Variants in GPM6A observed in about 807,000 individuals in gnomAD.
The protein encoded by GPM6A is glycoprotein M6A, also known as neuronal membrane glycoprotein M6-a.
A neutral mutation model predicts 32.1 loss-of-function variants in GPM6A; 7 were observed. The ratio of observed to expected loss-of-function variants is 0.22; its 90% CI spans 0.12 to 0.41. The LOEUF (loss-of-function observed/expected upper bound fraction) is 0.41, where lower values mean the gene tolerates loss of function less well. Ranked by LOEUF, GPM6A falls within the 10% of genes least tolerant of loss-of-function variation. The pLI is 1.00. For missense variants in GPM6A, 235 were observed against 347.2 expected, an observed-to-expected ratio of 0.68 and a Z score of 2.57; for synonymous variants, 130 against 123.4, an observed-to-expected ratio of 1.05 and a Z score of -0.35.
At chr4:175,816,222 C>G (rs1170497015), upstream of GPM6A, among the ~76,000 whole-genome samples, 1 of 152,124 alleles carries the variant, frequency 6.6e-6, no homozygotes. Flanking sequence ...TATAAGTTAA[C>G]TAGGTGGTTA....
chr4:175,756,450 C>G (rs1345450455), intron 1 of GPM6A, among the ~76,000 whole-genome samples: 1 of 152,110 alleles, frequency 6.6e-6, no homozygotes, highest in Non-Finnish European at 1.5e-5. Context: ...CTCCATGAAA[C>G]AGTCTGGCTG....
At chr4:175,803,718 G>A (rs1046108152) in intron 1 of GPM6A, among the ~76,000 whole-genome samples, 2 of 152,090 alleles carry the variant, frequency 1.3e-5, no homozygotes, top group African/African-American at 4.8e-5. Flanking sequence ...AGGAGCCAGG[G>A]CTTTAACACA....
intron 1 of GPM6A, among the ~76,000 whole-genome samples, chr4:176,000,384 A>T (rs1311553329): frequency 6.6e-6 from 1 of 152,296 alleles, no homozygotes; most frequent in Non-Finnish European, 1.5e-5. Context: ...ACTCCACACC[A>T]TCCCCCACAA....
In GPM6A at chr4:175,785,309, C is replaced by A. The variant is rs370518503; in HGVS notation, c.37+26882G>T. 7.2e-5 allele frequency among the ~76,000 whole-genome samples: 11 copies of A among 152,266 alleles called. No individual in the cohort carries two copies. The East Asian group carries it at 2.1e-3, about 29-fold the overall frequency. On this transcript the variant is annotated intron_variant, in intron 1 of 6. Transcript: ENST00000393658. ...AATTGAGCCCTCTTAGACATTCCAG[C>A]CCAATCAAGCTCTGAGGAGACTGCA...
chr4:175,793,699 A>G (rs1315713507), intron 1 of GPM6A, among the ~76,000 whole-genome samples: 1 of 152,172 alleles, frequency 6.6e-6, no homozygotes, highest in Non-Finnish European at 1.5e-5. Flanking sequence ...TCTTCTGCAC[A>G]TCAGACACTA....
intron 1 of GPM6A, among the ~76,000 whole-genome samples, chr4:175,860,750 C>A (rs142450332): frequency 6.6e-6 from 1 of 152,156 alleles, no homozygotes; most frequent in African/African-American, 2.4e-5. Flanking sequence ...CTCTTCCTCC[C>A]ATGCAGTGCC....
At chr4:175,827,977 T>C (rs2111361330) in intron 1 of GPM6A, among the ~76,000 whole-genome samples, 1 of 152,342 alleles carries the variant, frequency 6.6e-6, no homozygotes, top group African/African-American at 2.4e-5. Flanking sequence ...TCATGAAATA[T>C]CAGGTTTTAA....
rs944424950 is a variant in GPM6A at position 175,734,152 on chromosome 4, A to T, written c.38-32385T>A. Among the ~76,000 whole-genome samples, 8 of 143,120 alleles carry T rather than the reference A, an allele frequency of 5.6e-5. No homozygotes were observed. The East Asian group carries it at 9.4e-4, about 17-fold the overall frequency. The allele number at this position is 143,120 out of a possible 152,430, so 93.9% of individuals were successfully genotyped here. A position where few individuals can be genotyped will look rare whatever the true frequency, so the allele number is the denominator to read the frequency against. ...ATTTTTGCCATATATATATATATAT[A>T]TATATATATTTTTTAATTTCAACAT... On this transcript the variant is annotated intron_variant, in intron 1 of 6. Transcript: ENST00000393658.
At chr4:175,950,747 T>C (rs1391680594) in intron 1 of GPM6A, among the ~76,000 whole-genome samples, 1 of 152,318 alleles carries the variant, frequency 6.6e-6, no homozygotes, top group African/African-American at 2.4e-5. Context: ...CATGAAAGTA[T>C]TTTTAAATGA....
At chr4:175,935,645 C>A (rs114407744) in intron 1 of GPM6A, among the ~76,000 whole-genome samples, 2,587 of 152,060 alleles carry the variant, frequency 0.017, 65 homozygotes, top group African/African-American at 0.058. Context: ...ATATTTAATA[C>A]AAGGAATAAA....
chr4:175,963,779 A>C (rs1740243185), intron 1 of GPM6A, among the ~76,000 whole-genome samples: 1 of 152,180 alleles, frequency 6.6e-6, no homozygotes, highest in Non-Finnish European at 1.5e-5. Flanking sequence ...CTGGTTCAAA[A>C]TAATAACAAC....
At chr4:175,715,274 C>G (rs1317581191) in intron 1 of GPM6A, among the ~76,000 whole-genome samples, 1 of 152,148 alleles carries the variant, frequency 6.6e-6, no homozygotes, top group Non-Finnish European at 1.5e-5. Flanking sequence ...GATGTACTAG[C>G]TTAAAGCAGC....
chr4:175,924,932 T>C (rs1342335424), intron 1 of GPM6A, among the ~76,000 whole-genome samples: 1 of 152,070 alleles, frequency 6.6e-6, no homozygotes, highest in Non-Finnish European at 1.5e-5. Flanking sequence ...CAATTATTTA[T>C]ACAATTTATT....
intron 1 of GPM6A, among the ~76,000 whole-genome samples, chr4:175,750,301 A>G (rs1016646494): frequency 7.9e-5 from 12 of 151,934 alleles, no homozygotes; most frequent in African/African-American, 2.7e-4. Flanking sequence ...CAGGTGATCC[A>G]CCCGCCTTGG....
At chr4:175,858,510 C>A (rs7687230) in intron 1 of GPM6A, among the ~76,000 whole-genome samples, 1 of 148,474 alleles carries the variant, frequency 6.7e-6, no homozygotes, top group African/African-American at 2.5e-5. Context: ...CCAGCCTGGG[C>A]GACAGAGAGA....
At chr4:175,940,240 T>C (rs1196684838) in intron 1 of GPM6A, among the ~76,000 whole-genome samples, 2 of 152,124 alleles carry the variant, frequency 1.3e-5, no homozygotes, top group African/African-American at 2.4e-5. Flanking sequence ...GATTCAGATA[T>C]GTTTGGGAGC....
intron 1 of GPM6A, among the ~76,000 whole-genome samples, chr4:175,985,194 T>C (rs1011729896): frequency 2.0e-5 from 3 of 152,348 alleles, no homozygotes; most frequent in South Asian, 2.1e-4. Flanking sequence ...TATCTATATA[T>C]GTACACACAC....
intron 1 of GPM6A, among the ~76,000 whole-genome samples, chr4:175,727,299 A>G (rs1298602662): frequency 6.6e-6 from 1 of 152,220 alleles, no homozygotes; most frequent in African/African-American, 2.4e-5. Flanking sequence ...ACAAAGTTCT[A>G]CTACGGCGGT....
At chr4:175,665,728 GC>G (rs1354362088) in intron 3 of GPM6A, among the ~76,000 whole-genome samples, 10 of 151,044 alleles carry the variant, frequency 6.6e-5, no homozygotes, top group Non-Finnish European at 8.8e-5. Flanking sequence ...GTGACAGTGA[GC>G]AGAGATCATG....
Sources: allele counts gnomAD v4.1 joint callset (sites outside exome capture counted in the v4.1 genomes callset), GRCh38; gene constraint gnomAD v4.1.1; transcripts MANE v1.5; gene names NCBI Gene and HGNC (gene_info 2026-07-23, HGNC 2026-07-21).